Variants in ZNF385D observed in about 807,000 individuals in gnomAD.
ZNF385D encodes the protein zinc finger protein 385D.
In ZNF385D, 15 loss-of-function variants were observed where a neutral mutation model predicts 35.8. That is an observed-to-expected ratio of 0.42 (90% CI 0.28 to 0.64). The LOEUF (loss-of-function observed/expected upper bound fraction) is 0.64, where lower values mean the gene tolerates loss of function less well. ZNF385D is among the 30% of genes least tolerant of loss of function. ZNF385D has a pLI of 0.23. For synonymous variants in ZNF385D, 212 were observed against 186.8 expected (o/e 1.13, Z -1.10); for missense variants, 474 against 494.6 (o/e 0.96, Z 0.39).
At chr3:22,325,561 C>T (rs1332515454) in intron 2 of ZNF385D, among the ~76,000 whole-genome samples, 1 of 152,032 alleles carries the variant, frequency 6.6e-6, no homozygotes, top group South Asian at 2.1e-4. Flanking sequence ...GCCAGGAGTT[C>T]GAGACCAGCC....
intron 2 of ZNF385D, among the ~76,000 whole-genome samples, chr3:22,238,235 T>C (rs1253518271): frequency 6.6e-6 from 1 of 151,166 alleles, no homozygotes; most frequent in Non-Finnish European, 1.5e-5. Flanking sequence ...AATTGGAAAG[T>C]GCAAGTCTTC....
chr3:22,209,236 T>C (rs1697360386), intron 2 of ZNF385D, among the ~76,000 whole-genome samples: 1 of 151,910 alleles, frequency 6.6e-6, no homozygotes, highest in Admixed American at 6.6e-5. Context: ...CTTAAACTTA[T>C]AAAAAGAAAG....
At chr3:21,999,590 T>C (rs1197169759) in intron 3 of ZNF385D, among the ~76,000 whole-genome samples, 1 of 152,136 alleles carries the variant, frequency 6.6e-6, no homozygotes, top group Non-Finnish European at 1.5e-5. Flanking sequence ...ATGGTTCTAC[T>C]TCTCATTTTT....
intron 3 of ZNF385D, among the ~76,000 whole-genome samples, chr3:21,998,350 A>G (rs1695614678): frequency 6.6e-6 from 1 of 152,118 alleles, no homozygotes; most frequent in Non-Finnish European, 1.5e-5. Context: ...CTTGCTCTTG[A>G]ATTCTTTCCT....
rs999463666 is a variant in ZNF385D, at chr3:21,806,539, G to A, written c.326-141511C>T. Among the ~76,000 whole-genome samples the A allele has an allele frequency of 3.9e-5, 6 of 152,198 alleles. No homozygotes were observed. The East Asian group carries it at 9.7e-4, about 25-fold the overall frequency. On this transcript the variant is annotated intron_variant, in intron 3 of 5. Transcript: ENST00000494108. ...CGTTTTATAGTTAATTGGGGTCACA[G>A]AACATGTATACGTGAAACCAGTGCA...
intron 3 of ZNF385D, among the ~76,000 whole-genome samples, chr3:21,995,660 C>A (rs1261357597): frequency 1.3e-5 from 2 of 151,730 alleles, no homozygotes; most frequent in Admixed American, 6.6e-5. Flanking sequence ...CCCCATACCC[C>A]CAAATGGCAT....
rs369290482 is a variant in ZNF385D, at chr3:21,845,597, T to A, written c.326-180569A>T. The stretch of plus-strand genomic sequence containing the variant: ...GAAAACCTCTCAACATTGCAATCCC[T>A]CCTAGAAGGACTTTCTTTTTTACAG... On this transcript the variant is annotated intron_variant, in intron 3 of 5. Transcript: ENST00000494108. Among the ~76,000 whole-genome samples, 27 of 152,000 alleles carry A rather than the reference T, an allele frequency of 1.8e-4. 1 individual carries two copies. Among genetic ancestry groups the A allele is most frequent in the Admixed American group, 1.2e-3 (18 of 15,202 alleles).
intron 3 of ZNF385D, among the ~76,000 whole-genome samples, chr3:22,023,901 T>C (rs1697373395): frequency 6.6e-6 from 1 of 152,096 alleles, no homozygotes; most frequent in South Asian, 2.1e-4. Flanking sequence ...TTCGTTTTCA[T>C]ACTGCTCTAA....
chr3:22,318,140 T>A (rs1704003312), intron 2 of ZNF385D, among the ~76,000 whole-genome samples: 2 of 152,090 alleles, frequency 1.3e-5, no homozygotes, highest in Non-Finnish European at 2.9e-5. Flanking sequence ...TATTTTTTAA[T>A]GTAAGGCAAG....
At chr3:22,133,374 G>A (rs956613176) in intron 3 of ZNF385D, among the ~76,000 whole-genome samples, 2 of 151,998 alleles carry the variant, frequency 1.3e-5, no homozygotes, top group African/African-American at 2.4e-5. Flanking sequence ...TATATGGGGT[G>A]TGCCTGTGTG....
intron 4 of ZNF385D, among the ~76,000 whole-genome samples, chr3:21,491,741 T>C (rs1705438123): frequency 6.6e-6 from 1 of 152,180 alleles, no homozygotes; most frequent in Non-Finnish European, 1.5e-5. Flanking sequence ...TGAATAGTTA[T>C]GACAGAGGCT....
intron 2 of ZNF385D, among the ~76,000 whole-genome samples, chr3:22,348,078 C>A (rs1377790824): frequency 6.6e-6 from 1 of 152,048 alleles, no homozygotes; most frequent in South Asian, 2.1e-4. Flanking sequence ...TAATAACATA[C>A]ATTTTTTAAC....
intron 3 of ZNF385D, among the ~76,000 whole-genome samples, chr3:21,823,140 CAT>C (rs1280844100): frequency 3.1e-4 from 47 of 151,978 alleles, no homozygotes; most frequent in Admixed American, 1.8e-3. Context: ...AATATGTGTA[CAT>C]ATATGTTTAT....
At chr3:21,997,382 G>A (rs1285508437) in intron 3 of ZNF385D, among the ~76,000 whole-genome samples, 1 of 152,056 alleles carries the variant, frequency 6.6e-6, no homozygotes, top group Non-Finnish European at 1.5e-5. Context: ...ATAGCATTAG[G>A]AGATATACCT....
chr3:22,127,055 C>T (rs970243361), intron 3 of ZNF385D, among the ~76,000 whole-genome samples: 6 of 151,862 alleles, frequency 4.0e-5, no homozygotes, highest in Admixed American at 2.6e-4. Flanking sequence ...TATTTTCAGT[C>T]TATTGTGTGT....
chr3:21,905,222 A>AAAAC (rs1699618784), intron 3 of ZNF385D, among the ~76,000 whole-genome samples: 1 of 142,596 alleles, frequency 7.0e-6, no homozygotes, highest in African/African-American at 2.5e-5. Flanking sequence ...AAAAAAAAAA[A>AAAAC]AAAAAACCCT....
chr3:22,338,657 TAAA>T, intron 2 of ZNF385D, among the ~76,000 whole-genome samples: 1 of 150,888 alleles, frequency 6.6e-6, no homozygotes, highest in Non-Finnish European at 1.5e-5. Flanking sequence ...ATATTATAAA[TAAA>T]AAAGTAAAGT....
rs556454867 is a variant in ZNF385D at position 21,583,486 on chromosome 3, T to C, written c.166-18802A>G. Among the ~76,000 whole-genome samples the C allele has an allele frequency of 4.1e-3, 621 of 152,290 alleles. 4 individuals carry two copies. Among genetic ancestry groups the C allele is most frequent in the Non-Finnish European group, 7.1e-3 (480 of 68,014 alleles). On this transcript the variant is annotated intron_variant, in intron 2 of 7. Coordinates refer to ENST00000281523, the MANE Select transcript of ZNF385D (RefSeq NM_024697.3). ...CAGCTTCAGATGAAGAACAAAACTCTCTGCTCTAACCTTCCCAGTCCAGAG... is the reference window on the plus strand; with the variant it reads ...CAGCTTCAGATGAAGAACAAAACTCCCTGCTCTAACCTTCCCAGTCCAGAG...
At chr3:21,722,414 G>A (rs2125452804) in intron 1 of ZNF385D, among the ~76,000 whole-genome samples, 1 of 152,250 alleles carries the variant, frequency 6.6e-6, no homozygotes, top group Non-Finnish European at 1.5e-5. Flanking sequence ...ACTATCTAGT[G>A]CTTAGGTCTT....
Sources: gnomAD v4.1 joint callset for allele counts (sites outside exome capture counted in the v4.1 genomes callset) on GRCh38, gnomAD v4.1.1 for gene constraint, MANE v1.5 for transcripts, NCBI Gene and HGNC (gene_info 2026-07-23, HGNC 2026-07-21) for gene names.